NPAS3: variants seen among roughly 807,000 people sequenced by gnomAD.
The protein encoded by NPAS3 is neuronal PAS domain protein 3.
NPAS3 carries 14 observed loss-of-function variants against 73.1 expected under a neutral mutation model. That is an observed-to-expected ratio of 0.19 (90% CI 0.13 to 0.30). The LOEUF (loss-of-function observed/expected upper bound fraction) is 0.30, where lower values mean the gene tolerates loss of function less well. NPAS3 is among the 10% of genes least tolerant of loss of function. NPAS3 has a pLI of 1.00. For missense variants in NPAS3, 1,096 were observed against 1,250.0 expected (o/e 0.88, Z 1.86); for synonymous variants, 620 against 541.5 (o/e 1.14, Z -2.01).
At chr14:32,989,803 G>T (rs2038256011) in intron 1 of NPAS3, among the ~76,000 whole-genome samples, 1 of 152,096 alleles carries the variant, frequency 6.6e-6, no homozygotes, top group Non-Finnish European at 1.5e-5. Flanking sequence ...GAGCTAGTTA[G>T]ATTTGAATTT....
At chr14:33,271,562 C>A (rs2041084986) in intron 3 of NPAS3, among the ~76,000 whole-genome samples, 1 of 151,998 alleles carries the variant, frequency 6.6e-6, no homozygotes, top group South Asian at 2.1e-4. Context: ...TTCCCAACAG[C>A]CTTGTAGATA....
chr14:33,586,323 T>G (rs1431756277), intron 5 of NPAS3, among the ~76,000 whole-genome samples: 1 of 151,978 alleles, frequency 6.6e-6, no homozygotes, highest in African/African-American at 2.4e-5. Flanking sequence ...AATTCTGTAC[T>G]AATTTTTAGA....
At chr14:33,736,440 C>T (rs976372080) in intron 7 of NPAS3, among the ~76,000 whole-genome samples, 13 of 152,102 alleles carry the variant, frequency 8.5e-5, no homozygotes, top group Admixed American at 1.3e-4. Context: ...TTAGCAGGTG[C>T]GATGCAGAGG....
chr14:33,516,485 C>A (rs765672402), intron 4 of NPAS3, among the ~76,000 whole-genome samples: 4 of 152,082 alleles, frequency 2.6e-5, no homozygotes, highest in African/African-American at 4.8e-5. Flanking sequence ...TCCCCTAGTA[C>A]GAGGAAAATA....
At chr14:33,542,247 A>G (rs963452468) in intron 4 of NPAS3, among the ~76,000 whole-genome samples, 1 of 152,110 alleles carries the variant, frequency 6.6e-6, no homozygotes, top group Non-Finnish European at 1.5e-5. Context: ...CTCAAGCCAT[A>G]CTCGCCAGCA....
upstream of NPAS3, chr14:32,939,234 C>T (rs2035855742): frequency 5.5e-6 from 3 of 544,000 alleles, no homozygotes; most frequent in African/African-American, 2.1e-5. Flanking sequence ...CCCACGCACA[C>T]GCACACCCCC....
chr14:33,484,313 C>G (rs2051474243), intron 4 of NPAS3, among the ~76,000 whole-genome samples: 1 of 152,020 alleles, frequency 6.6e-6, no homozygotes, highest in Non-Finnish European at 1.5e-5. Flanking sequence ...CTTTCTAGCC[C>G]CGGAGACTGC....
intron 4 of NPAS3, among the ~76,000 whole-genome samples, chr14:33,510,369 T>A (rs2052987409): frequency 6.6e-6 from 1 of 152,034 alleles, no homozygotes; most frequent in South Asian, 2.1e-4. Context: ...GCTGCTATGA[T>A]TCAGAGGTTG....
Position 33,409,657 on chromosome 14 carries a change from G to A in NPAS3, c.468+42389G>A, listed in dbSNP as rs2047831096. Among the ~76,000 whole-genome samples the A allele has an allele frequency of 2.0e-5, 3 of 152,200 alleles. No homozygotes were observed. The South Asian group carries it at 6.2e-4, about 31-fold the overall frequency. On this transcript the variant is annotated intron_variant, in intron 4 of 11. Coordinates refer to ENST00000356141, the Ensembl canonical transcript of NPAS3. ...TGAGAGTAGAAAGAAAGTGCAGAAA[G>A]TTCAGTAAGATTCATTCATTAGCTA...
intron 1 of NPAS3, among the ~76,000 whole-genome samples, chr14:33,026,754 G>A (rs1326335094): frequency 6.6e-6 from 1 of 152,072 alleles, no homozygotes; most frequent in African/African-American, 2.4e-5. Flanking sequence ...CAGAAAGCTA[G>A]TTTAAATATA....
At chr14:33,503,327 T>TA (rs890122560) in intron 4 of NPAS3, among the ~76,000 whole-genome samples, 1 of 151,954 alleles carries the variant, frequency 6.6e-6, no homozygotes, top group African/African-American at 2.4e-5. Context: ...AACCACTTAC[T>TA]AACTCAGAGG....
intron 4 of NPAS3, among the ~76,000 whole-genome samples, chr14:33,473,221 G>A (rs544983299): frequency 2.0e-5 from 3 of 152,266 alleles, no homozygotes; most frequent in Admixed American, 6.5e-5. Context: ...ACTGGAACGT[G>A]CATCAGAATC....
At position 33,518,181 on chromosome 14, in the gene NPAS3, G is replaced by A. The variant is rs139511054; in HGVS notation, c.469-41940G>A. On this transcript the variant is annotated intron_variant, in intron 4 of 11. Transcript: ENST00000356141. The stretch of plus-strand genomic sequence containing the variant: ...GTACAAGCATGCTAAGAGGATGCAG[G>A]TAGCTCAGGCAGCGGGGGAGCCTTG... 1.4e-3 allele frequency among the ~76,000 whole-genome samples: 211 copies of A among 152,146 alleles called. 2 individuals are homozygous for A. The highest frequency in any genetic ancestry group is 4.9e-3 in the African/African-American group (203 of 41,538).
chr14:33,607,684 A>G (rs1489703896), intron 5 of NPAS3, among the ~76,000 whole-genome samples: 4 of 152,126 alleles, frequency 2.6e-5, no homozygotes, highest in African/African-American at 9.7e-5. Flanking sequence ...TGTACCTCTA[A>G]TAGGATTGTT....
Position 33,211,330 on chromosome 14 carries a change from T to C in NPAS3, c.141-3852T>C, listed in dbSNP as rs8012975. 5.5e-3 allele frequency among the ~76,000 whole-genome samples: 837 copies of C among 152,290 alleles called. 11 individuals carry two copies. Among genetic ancestry groups the C allele is most frequent in the African/African-American group, 0.019 (804 of 41,566 alleles). ...GCGTGGTGGCTCACGTCAGTAATTC[T>C]AGCAATTTGGGAGGCCAAGGTGGGC... On this transcript the variant is annotated intron_variant, in intron 2 of 11. Transcript: ENST00000356141.
intron 2 of NPAS3, among the ~76,000 whole-genome samples, chr14:33,076,861 T>C (rs2041676521): frequency 6.6e-6 from 1 of 152,268 alleles, no homozygotes; most frequent in Non-Finnish European, 1.5e-5. Context: ...TTAATGTCTA[T>C]AACTTTACAA....
chr14:33,085,576 C>G lies in NPAS3; in HGVS notation c.140+29582C>G, dbSNP rs73268604. 3.5e-3 allele frequency among the ~76,000 whole-genome samples: 538 copies of G among 152,266 alleles called. 3 individuals are homozygous for G. The highest frequency in any genetic ancestry group is 0.012 in the African/African-American group (518 of 41,556). ...CCAGTGGGCTAGTCGTGTGATTAAA[C>G]CAAAGGTTTCTGGATCTTTAATGCA... On this transcript the variant is annotated intron_variant, in intron 2 of 11. Transcript: ENST00000356141.
intron 2 of NPAS3, among the ~76,000 whole-genome samples, chr14:33,056,672 A>AT (rs1285832642): frequency 1.3e-5 from 2 of 152,176 alleles, no homozygotes; most frequent in African/African-American, 4.8e-5. Flanking sequence ...TTAATATATC[A>AT]TAGTTGGACT....
intron 4 of NPAS3, among the ~76,000 whole-genome samples, chr14:33,557,972 A>C (rs1434843606): frequency 6.6e-6 from 1 of 152,214 alleles, no homozygotes; most frequent in Non-Finnish European, 1.5e-5. Flanking sequence ...CCGTCTCAAA[A>C]AAATAAAAAA....
Sources: gnomAD v4.1 joint callset for allele counts (sites outside exome capture counted in the v4.1 genomes callset) on GRCh38, gnomAD v4.1.1 for gene constraint, MANE v1.5 for transcripts, NCBI Gene and HGNC (gene_info 2026-07-23, HGNC 2026-07-21) for gene names.